Variants in RASSF8 observed in about 807,000 individuals in gnomAD.
The protein encoded by RASSF8 is ras association domain-containing protein 8.
RASSF8 carries 22 observed loss-of-function variants against 48.5 expected under a neutral mutation model. That is an observed-to-expected ratio of 0.45 (90% CI 0.32 to 0.65). RASSF8 has a LOEUF of 0.65. Ranked by LOEUF, RASSF8 falls within the 30% of genes least tolerant of loss-of-function variation. The probability of loss-of-function intolerance (pLI) is 0.03; values close to 1 mark genes in which losing one functional copy is unlikely to be tolerated. For synonymous variants in RASSF8, 127 were observed against 171.5 expected (o/e 0.74, Z 2.03); for missense variants, 418 against 489.2 (o/e 0.85, Z 1.37).
At chr12:26,035,657 G>T (rs1943131225) in intron 2 of RASSF8, among the ~76,000 whole-genome samples, 2 of 135,366 alleles carry the variant, frequency 1.5e-5, no homozygotes, top group African/African-American at 2.7e-5. Flanking sequence ...GTATTTTCTG[G>T]GCTTAAAATT....
intron 1 of RASSF8, among the ~76,000 whole-genome samples, chr12:25,975,281 C>T (rs987543178): frequency 6.6e-6 from 1 of 152,172 alleles, no homozygotes; most frequent in Non-Finnish European, 1.5e-5. Context: ...TAGATGTGCA[C>T]AGTGGGCTGG....
Position 26,070,635 on chromosome 12 carries a change from T to C in RASSF8, c.*1817T>C, listed in dbSNP as rs1295995612. The C allele has an allele frequency of 4.2e-6, 4 of 953,218 alleles. No individual in the cohort carries two copies. The African/African-American group carries it at 7.1e-5, about 17-fold the overall frequency. 59.0% of individuals were successfully genotyped at this position (953,218 alleles called of 1,614,324 possible). A position where few individuals can be genotyped will look rare whatever the true frequency, so the allele number is the denominator to read the frequency against. ...AAATTAGGATGATTAAAAAATAATT[T>C]ATAGATTTTGTGACAGTAATGATTT... is the stretch of plus-strand genomic sequence containing the variant. On this transcript the variant is annotated 3_prime_UTR_variant, in exon 6 of 6. Transcript: ENST00000689635.
intron 3 of RASSF8, among the ~76,000 whole-genome samples, chr12:26,063,662 AATAC>A (rs1943796810): frequency 6.6e-6 from 1 of 151,930 alleles, no homozygotes; most frequent in African/African-American, 2.4e-5. Flanking sequence ...TGCCTCCCAA[AATAC>A]TGGGATTACA....
chr12:26,024,412 C>A (rs1185690962), intron 2 of RASSF8, among the ~76,000 whole-genome samples: 1 of 152,258 alleles, frequency 6.6e-6, no homozygotes, highest in Admixed American at 6.5e-5. Context: ...AGAGTTAATA[C>A]CAATTCTTCA....
chr12:25,971,497 G>A lies in RASSF8; in HGVS notation c.-203+12349G>A, dbSNP rs149599966. ...AAACTTCTGATGATCTCTCTTCTGT[G>A]TTCTGGTCGGTCATTAATGCTTGTA... On this transcript the variant is annotated intron_variant, in intron 1 of 5. Transcript: ENST00000689635. Among the ~76,000 whole-genome samples, 301 of 151,916 alleles carry A rather than the reference G, an allele frequency of 2.0e-3. 2 individuals are homozygous for A. The highest frequency in any genetic ancestry group is 3.7e-3 in the Non-Finnish European group (252 of 67,974).
chr12:25,978,869 G>A (rs886745673), intron 1 of RASSF8, among the ~76,000 whole-genome samples: 13 of 152,038 alleles, frequency 8.6e-5, no homozygotes, highest in African/African-American at 2.9e-4. Flanking sequence ...TTTCATTATG[G>A]TAATAGGGAA....
intron 5 of RASSF8, among the ~76,000 whole-genome samples, chr12:26,068,164 T>C (rs1160599519): frequency 6.6e-6 from 1 of 152,166 alleles, no homozygotes; most frequent in African/African-American, 2.4e-5. Flanking sequence ...AAAAATTCTT[T>C]TTTTAAAAAA....
chr12:26,069,554 G>C lies in RASSF8; in HGVS notation c.*736G>C. ...AAACATTTGCAGTGTTTCAGACACT[G>C]TTGAACAAAAATGTAATTGGTAAGT... On this transcript the variant is annotated 3_prime_UTR_variant, in exon 6 of 6. Transcript: ENST00000689635. The C allele has an allele frequency of 4.1e-6, 4 of 985,416 alleles. No individual in the cohort carries two copies. In the South Asian group the frequency reaches 1.9e-4, roughly 46 times the overall value. 61.0% of individuals were successfully genotyped at this position (985,416 alleles called of 1,614,324 possible). A position where few individuals can be genotyped will look rare whatever the true frequency, so the allele number is the denominator to read the frequency against.
At chr12:26,002,277 A>T (rs1942277801) in intron 2 of RASSF8, among the ~76,000 whole-genome samples, 1 of 151,898 alleles carries the variant, frequency 6.6e-6, no homozygotes. Context: ...TACTAAAAAT[A>T]CAAAAATTAG....
intron 1 of RASSF8, among the ~76,000 whole-genome samples, chr12:25,981,878 T>C (rs1035709656): frequency 1.3e-5 from 2 of 152,202 alleles, no homozygotes; most frequent in Non-Finnish European, 2.9e-5. Flanking sequence ...TTTAACCTGC[T>C]CTTAGGTCTA....
intron 2 of RASSF8, among the ~76,000 whole-genome samples, chr12:26,003,209 G>T (rs1942303525): frequency 6.6e-6 from 1 of 152,112 alleles, no homozygotes; most frequent in African/African-American, 2.4e-5. Context: ...CTATTGAGAT[G>T]ATCATATGGT....
chr12:26,079,111 G>A, exon 6 of RASSF8: 1 of 1,438,396 alleles, frequency 7.0e-7, no homozygotes, highest in Non-Finnish European at 9.5e-7. Flanking sequence ...AAGCAAAAAT[G>A]AACAAGTGGG....
chr12:26,073,849 C>CACACACAT (rs35014279), downstream of RASSF8, among the ~76,000 whole-genome samples: 17,636 of 144,024 alleles, frequency 0.12, 1,301 homozygotes, highest in Middle Eastern at 0.17. Flanking sequence ...CACACACACA[C>CACACACAT]ATATATATAT....
Position 26,030,782 on chromosome 12 carries a change from T to C in RASSF8, c.-108-24454T>C, listed in dbSNP as rs572621933. 2.6e-5 allele frequency among the ~76,000 whole-genome samples: 4 copies of C among 152,250 alleles called. No homozygotes were observed. The East Asian group carries it at 7.7e-4, about 29-fold the overall frequency. On this transcript the variant is annotated intron_variant, in intron 2 of 5. Coordinates refer to ENST00000689635, the MANE Select transcript of RASSF8 (RefSeq NM_001394098.1). ...GACTTAAAAAGTATTTCCTCACCCA[T>C]ACTGTACCAGACAAGTGCCTGGTTT...
chr12:26,065,536 C>T (rs541519352), intron 4 of RASSF8, 149 bp downstream of exon 4: 69 of 1,031,558 alleles, frequency 6.7e-5, no homozygotes, highest in South Asian at 1.7e-4. Context: ...TTGTGACTTA[C>T]GACAGCTTAG....
At chr12:26,013,312 A>G (rs192305674) in intron 2 of RASSF8, among the ~76,000 whole-genome samples, 1 of 152,222 alleles carries the variant, frequency 6.6e-6, no homozygotes, top group South Asian at 2.1e-4. Flanking sequence ...CAGTACTTTA[A>G]AATTCATAAG....
At chr12:26,003,694 A>G (rs1418133193) in intron 2 of RASSF8, among the ~76,000 whole-genome samples, 1 of 152,202 alleles carries the variant, frequency 6.6e-6, no homozygotes, top group Admixed American at 6.5e-5. Context: ...TGGTAGAACT[A>G]TAGGAAAATA....
At chr12:26,074,888 G>T (rs1451960284), downstream of RASSF8, among the ~76,000 whole-genome samples, 2 of 152,140 alleles carry the variant, frequency 1.3e-5, no homozygotes, top group East Asian at 1.9e-4. Flanking sequence ...GAGGGGCCTT[G>T]GTTGCCATGG....
chr12:25,959,783 A>G (rs1941186311), intron 1 of RASSF8: 1 of 152,172 alleles, frequency 6.6e-6, no homozygotes, highest in African/African-American at 2.4e-5. Context: ...CTGGTGCGGC[A>G]CTGGGTTTTA....
Sources: allele counts gnomAD v4.1 joint callset (sites outside exome capture counted in the v4.1 genomes callset), GRCh38; gene constraint gnomAD v4.1.1; transcripts MANE v1.5; gene names NCBI Gene and HGNC (gene_info 2026-07-23, HGNC 2026-07-21).